The following TRIM9 variants were observed in gnomAD, a reference collection of about 807,000 sequenced individuals.
TRIM9 encodes tripartite motif containing 9, also known as E3 ubiquitin-protein ligase TRIM9.
TRIM9 carries 26 observed loss-of-function variants against 78.3 expected under a neutral mutation model. That is an observed-to-expected ratio of 0.33 (90% CI 0.24 to 0.46). TRIM9 has a LOEUF of 0.46. TRIM9 is among the 20% of genes least tolerant of loss of function. The pLI is 1.00. For synonymous variants in TRIM9, 398 were observed against 416.5 expected (o/e 0.96, Z 0.54); for missense variants, 787 against 1,036.4 (o/e 0.76, Z 3.30).
At chr14:51,018,248 A>AT (rs2057403154) in intron 3 of TRIM9, among the ~76,000 whole-genome samples, 1 of 151,522 alleles carries the variant, frequency 6.6e-6, no homozygotes, top group Non-Finnish European at 1.5e-5. Context: ...ATTATTTTTA[A>AT]TTTTTTTGTG....
intron 1 of TRIM9, among the ~76,000 whole-genome samples, chr14:51,041,731 T>A (rs2059592612): frequency 6.6e-6 from 1 of 152,238 alleles, no homozygotes; most frequent in South Asian, 2.1e-4. Flanking sequence ...TTCTGAGTAA[T>A]CTGTCTTATT....
At chr14:50,989,671 G>A (rs1049685754) in intron 7 of TRIM9, among the ~76,000 whole-genome samples, 1 of 152,198 alleles carries the variant, frequency 6.6e-6, no homozygotes, top group Non-Finnish European at 1.5e-5. Flanking sequence ...CAGTTTAGCA[G>A]GAAAGAGCAA....
intron 1 of TRIM9, among the ~76,000 whole-genome samples, chr14:51,071,519 G>T (rs1184520858): frequency 6.6e-6 from 1 of 152,152 alleles, no homozygotes; most frequent in African/African-American, 2.4e-5. Context: ...CTGAGCTGCA[G>T]CTGGGTATGG....
Position 51,077,261 on chromosome 14 carries a change from A to G in TRIM9, c.822+16857T>C, listed in dbSNP as rs554433946. Among the ~76,000 whole-genome samples the G allele has an allele frequency of 3.9e-5, 6 of 152,126 alleles. No individual in the cohort carries two copies. In the East Asian group the frequency reaches 1.2e-3, roughly 29 times the overall value. ...TTAGGAGCTGGGAGGATGCAGCCTCATGTTTCCCATAGGTGAGACAGTATA... is the reference window on the plus strand; with the variant it reads ...TTAGGAGCTGGGAGGATGCAGCCTCGTGTTTCCCATAGGTGAGACAGTATA... On this transcript the variant is annotated intron_variant, in intron 1 of 12. Coordinates refer to ENST00000684578, the MANE Select transcript of TRIM9 (RefSeq NM_001387360.1).
intron 1 of TRIM9, among the ~76,000 whole-genome samples, chr14:51,046,572 A>C (rs1466434600): frequency 6.6e-6 from 1 of 152,204 alleles, no homozygotes; most frequent in African/African-American, 2.4e-5. Flanking sequence ...AAGCCTGGAA[A>C]ATACTCTTGG....
intron 1 of TRIM9, among the ~76,000 whole-genome samples, chr14:51,086,815 A>T (rs2063796255): frequency 6.6e-6 from 1 of 152,194 alleles, no homozygotes; most frequent in South Asian, 2.1e-4. Flanking sequence ...ACAAGCAGGA[A>T]TTGAAACCAC....
chr14:51,050,894 A>G lies in TRIM9; in HGVS notation c.823-25534T>C, dbSNP rs575996061. Among the ~76,000 whole-genome samples, 4 of 152,276 alleles carry G rather than the reference A, an allele frequency of 2.6e-5. No individual in the cohort carries two copies. The East Asian group carries it at 7.7e-4, about 29-fold the overall frequency. ...CCTTAGACAGGGATTCTACAACCCTACTCAAGCCTTCAGATAACTATAGTA... is the reference window on the plus strand; with the variant it reads ...CCTTAGACAGGGATTCTACAACCCTGCTCAAGCCTTCAGATAACTATAGTA... On this transcript the variant is annotated intron_variant, in intron 1 of 12. Coordinates refer to ENST00000684578, the MANE Select transcript of TRIM9 (RefSeq NM_001387360.1).
intron 3 of TRIM9, among the ~76,000 whole-genome samples, chr14:51,020,772 T>C (rs2057683155): frequency 6.6e-6 from 1 of 152,238 alleles, no homozygotes; most frequent in African/African-American, 2.4e-5. Flanking sequence ...TCTGCCATTC[T>C]TTGATAGGGA....
intron 1 of TRIM9, among the ~76,000 whole-genome samples, chr14:51,034,659 C>A (rs1385042923): frequency 1.3e-5 from 2 of 152,108 alleles, no homozygotes; most frequent in Non-Finnish European, 2.9e-5. Flanking sequence ...TTCATTTCAG[C>A]TCTTTGCAAC....
chr14:51,063,932 A>G (rs1566629144), intron 1 of TRIM9, among the ~76,000 whole-genome samples: 1 of 151,950 alleles, frequency 6.6e-6, no homozygotes, highest in African/African-American at 2.4e-5. Context: ...AAATACATAT[A>G]TGTGTGTGTG....
At chr14:50,985,120 A>T (rs949625321) in intron 8 of TRIM9, among the ~76,000 whole-genome samples, 3 of 152,226 alleles carry the variant, frequency 2.0e-5, no homozygotes, top group African/African-American at 7.2e-5. Flanking sequence ...GAGATCAAAT[A>T]GGTCTGCATC....
At chr14:51,025,835 A>T (rs935396249) in intron 1 of TRIM9, among the ~76,000 whole-genome samples, 33 of 152,176 alleles carry the variant, frequency 2.2e-4, no homozygotes, top group African/African-American at 6.7e-4. Context: ...GGGCCACTTA[A>T]ATATAATCAC....
At chr14:51,007,956 G>C (rs1229574244) in intron 5 of TRIM9, among the ~76,000 whole-genome samples, 1 of 152,154 alleles carries the variant, frequency 6.6e-6, no homozygotes, top group Non-Finnish European at 1.5e-5. Context: ...ATCTCTCTTT[G>C]ATAAAAGCAT....
intron 1 of TRIM9, among the ~76,000 whole-genome samples, chr14:51,069,059 T>C (rs1365890069): frequency 1.3e-5 from 2 of 152,236 alleles, no homozygotes; most frequent in South Asian, 2.1e-4. Context: ...TGAAAGGACA[T>C]AGGGGACTAT....
chr14:51,019,970 C>T (rs1953893), intron 3 of TRIM9, among the ~76,000 whole-genome samples: 126,809 of 152,134 alleles, frequency 0.83, 53,052 homozygotes, highest in South Asian at 0.88. Flanking sequence ...ATAAAGACTG[C>T]GTAAGTACAC....
At chr14:51,008,183 A>C (rs944527707) in intron 5 of TRIM9, among the ~76,000 whole-genome samples, 3 of 152,114 alleles carry the variant, frequency 2.0e-5, no homozygotes, top group Non-Finnish European at 4.4e-5. Context: ...GGGTGGCAGG[A>C]GGGAGATCTT....
chr14:51,014,658 T>C (rs1466492580), intron 3 of TRIM9, among the ~76,000 whole-genome samples: 4 of 152,238 alleles, frequency 2.6e-5, no homozygotes, highest in Non-Finnish European at 5.9e-5. Flanking sequence ...ACTTTCTCTC[T>C]AGTTGTCTTT....
chr14:50,977,523 A>G (rs943723547), intron 12 of TRIM9, among the ~76,000 whole-genome samples, 170 bp from the exon 13 acceptor site: 1 of 152,214 alleles, frequency 6.6e-6, no homozygotes, highest in Non-Finnish European at 1.5e-5. Flanking sequence ...CTATGGTAAC[A>G]GGCTGCTCAC....
chr14:50,980,380 C>A (rs1257454994), intron 11 of TRIM9, among the ~76,000 whole-genome samples: 1 of 152,156 alleles, frequency 6.6e-6, no homozygotes, highest in Non-Finnish European at 1.5e-5. Flanking sequence ...TTTTTGAGAT[C>A]TAGCAATATT....
Sources: allele counts gnomAD v4.1 joint callset (sites outside exome capture counted in the v4.1 genomes callset), GRCh38; gene constraint gnomAD v4.1.1; transcripts MANE v1.5; gene names NCBI Gene and HGNC (gene_info 2026-07-23, HGNC 2026-07-21).